OPCML: variants seen among roughly 807,000 people sequenced by gnomAD.
The protein encoded by OPCML is opioid binding protein/cell adhesion molecule like, also known as opioid-binding protein/cell adhesion molecule.
OPCML carries 13 observed loss-of-function variants against 37.8 expected under a neutral mutation model. The ratio of observed to expected loss-of-function variants is 0.34; its 90% CI spans 0.22 to 0.55. The LOEUF is 0.55. OPCML is among the 20% of genes least tolerant of loss of function. The probability of loss-of-function intolerance (pLI) is 0.91; values close to 1 mark genes in which losing one functional copy is unlikely to be tolerated. For missense variants in OPCML, 341 were observed against 435.6 expected (o/e 0.78, Z 1.93); for synonymous variants, 176 against 168.8 (o/e 1.04, Z -0.33).
intron 2 of OPCML, among the ~76,000 whole-genome samples, chr11:132,682,901 G>T (rs1201752349): frequency 1.3e-5 from 2 of 152,194 alleles, no homozygotes; most frequent in East Asian, 3.8e-4. Context: ...TCACCAGCAG[G>T]TGCCTTCTTC....
At chr11:133,029,902 A>C (rs1015315209) in intron 1 of OPCML, among the ~76,000 whole-genome samples, 52 of 152,276 alleles carry the variant, frequency 3.4e-4, no homozygotes, top group African/African-American at 1.2e-3. Flanking sequence ...TATCTATAGC[A>C]ATCTAAGTAG....
At position 133,205,486 on chromosome 11, in the gene OPCML, C is replaced by T. The variant is rs1042327175; in HGVS notation, c.62-262476G>A. On this transcript the variant is annotated intron_variant, in intron 1 of 7. Coordinates refer to ENST00000524381, the MANE Select transcript of OPCML (RefSeq NM_001012393.5). This position sits in a 1 kb window ranked among gnomAD's most constrained non-coding sequence, Gnocchi z 4.8. The stretch of plus-strand genomic sequence containing the variant: ...CAGCAGCACTGGTCCCAACCCAGGG[C>T]TTGCACCTAGCACCTGAAGTGGGAG... 1.2e-4 allele frequency among the ~76,000 whole-genome samples: 19 copies of T among 152,330 alleles called. No individual in the cohort carries two copies. The highest frequency in any genetic ancestry group is 3.4e-3 in the Middle Eastern group (1 of 294).
chr11:133,531,139 CTT>C (rs1248713420), intron 1 of OPCML, among the ~76,000 whole-genome samples: 1 of 152,200 alleles, frequency 6.6e-6, no homozygotes, highest in Non-Finnish European at 1.5e-5. Flanking sequence ...AAAACCGACA[CTT>C]TTGCTGCTGC....
intron 2 of OPCML, among the ~76,000 whole-genome samples, chr11:132,688,644 G>T (rs1385820287): frequency 6.6e-6 from 1 of 152,046 alleles, no homozygotes; most frequent in Non-Finnish European, 1.5e-5. Flanking sequence ...GTAGAACCAG[G>T]CTGCATTTTC....
chr11:132,997,771 C>T (rs917925881), intron 1 of OPCML, among the ~76,000 whole-genome samples: 3 of 152,178 alleles, frequency 2.0e-5, no homozygotes, highest in Non-Finnish European at 4.4e-5. Flanking sequence ...AATACTAATT[C>T]CTTCCTCGCA....
chr11:133,392,261 T>A (rs1945188688), intron 1 of OPCML, among the ~76,000 whole-genome samples: 1 of 152,130 alleles, frequency 6.6e-6, no homozygotes, highest in African/African-American at 2.4e-5. Context: ...GGTTAAGGTA[T>A]TTATATAAGA....
At chr11:132,903,762 C>T (rs1944142459) in intron 2 of OPCML, among the ~76,000 whole-genome samples, 1 of 152,328 alleles carries the variant, frequency 6.6e-6, no homozygotes, top group Admixed American at 6.5e-5. Context: ...AAGCAGGAAA[C>T]ACCGTTGGGA....
intron 1 of OPCML, among the ~76,000 whole-genome samples, chr11:133,087,235 TTTTAAATAGCAG>T (rs1213002231): frequency 6.6e-6 from 1 of 152,234 alleles, no homozygotes; most frequent in Non-Finnish European, 1.5e-5. Context: ...AAGTTGATTT[TTTTAAATAGCAG>T]TTTTGAAGAA....
chr11:132,837,995 C>A (rs1328240027), intron 2 of OPCML, among the ~76,000 whole-genome samples: 2 of 152,200 alleles, frequency 1.3e-5, no homozygotes, highest in Non-Finnish European at 2.9e-5. Flanking sequence ...ATTTATGTAA[C>A]CTTATGATAT....
chr11:132,587,536 C>A (rs1490297380), intron 3 of OPCML, among the ~76,000 whole-genome samples: 1 of 152,202 alleles, frequency 6.6e-6, no homozygotes, highest in Non-Finnish European at 1.5e-5. Context: ...ACCAGTGATG[C>A]TGAGGATGTG....
intron 3 of OPCML, among the ~76,000 whole-genome samples, chr11:132,637,595 C>A (rs1286399434): frequency 6.6e-6 from 1 of 152,084 alleles, no homozygotes; most frequent in Non-Finnish European, 1.5e-5. Context: ...AGACTGGCAT[C>A]CTAGACTTTG....
At chr11:133,178,692 C>T (rs966209108) in intron 1 of OPCML, among the ~76,000 whole-genome samples, 3 of 152,076 alleles carry the variant, frequency 2.0e-5, no homozygotes, top group Non-Finnish European at 2.9e-5. Flanking sequence ...AGCAGCCAGA[C>T]ATGGAGAGGC....
intron 1 of OPCML, among the ~76,000 whole-genome samples, chr11:133,233,186 A>G (rs1940352556): frequency 6.6e-6 from 1 of 152,216 alleles, no homozygotes; most frequent in Admixed American, 6.5e-5. Flanking sequence ...AGAGGGGCCG[A>G]GTTTCCAGAC....
intron 1 of OPCML, among the ~76,000 whole-genome samples, chr11:133,032,537 T>C (rs1044231549): frequency 1.1e-4 from 17 of 152,192 alleles, no homozygotes; most frequent in African/African-American, 4.1e-4. Context: ...GCCTCAAATG[T>C]ACGATAGAAT....
chr11:133,035,162 T>A (rs1453495387), intron 1 of OPCML, among the ~76,000 whole-genome samples: 3 of 152,160 alleles, frequency 2.0e-5, no homozygotes, highest in Admixed American at 6.5e-5. Context: ...TAGATTACCT[T>A]CATTCTGACT....
chr11:133,247,540 T>TCTTCTTTCTTTCTTTCTTTCTTTCTTTC (rs1940971236), intron 1 of OPCML, among the ~76,000 whole-genome samples: 4 of 122,408 alleles, frequency 3.3e-5, no homozygotes, highest in African/African-American at 1.3e-4. Flanking sequence ...CTTTCCTTCT[T>TCTTCTTTCTTTCTTTCTTTCTTTCTTTC]TTTCTTTCTT....
chr11:133,053,700 C>G (rs1343511108), intron 1 of OPCML, among the ~76,000 whole-genome samples: 1 of 152,188 alleles, frequency 6.6e-6, no homozygotes, highest in African/African-American at 2.4e-5. Flanking sequence ...TAACCTCCAT[C>G]GTCTGTCTCA....
chr11:133,368,703 C>T (rs1036428566), intron 1 of OPCML, among the ~76,000 whole-genome samples: 4 of 152,082 alleles, frequency 2.6e-5, no homozygotes, highest in Non-Finnish European at 4.4e-5. Context: ...TTATTTTATT[C>T]CCCTCACTTT....
chr11:133,094,331 A>C (rs1408806717), intron 1 of OPCML, among the ~76,000 whole-genome samples: 3 of 152,214 alleles, frequency 2.0e-5, no homozygotes, highest in Non-Finnish European at 4.4e-5. Context: ...TACAAAGTTT[A>C]GGACTCTGAA....
Sources: gnomAD v4.1 joint callset for allele counts (sites outside exome capture counted in the v4.1 genomes callset) on GRCh38, gnomAD v4.1.1 for gene constraint, Gnocchi (gnomAD v3.1) non-coding constraint, MANE v1.5 for transcripts, NCBI Gene and HGNC (gene_info 2026-07-23, HGNC 2026-07-21) for gene names.